Variants in KCNB2 observed in about 807,000 individuals in gnomAD.
KCNB2 encodes potassium voltage-gated channel subfamily B member 2.
A neutral mutation model predicts 61.5 loss-of-function variants in KCNB2; 15 were observed. The ratio of observed to expected loss-of-function variants is 0.24; its 90% confidence interval spans 0.16 to 0.38. The LOEUF (loss-of-function observed/expected upper bound fraction) is 0.38. KCNB2 is among the 10% of genes least tolerant of loss of function. The pLI is 1.00. For synonymous variants in KCNB2, 457 were observed against 446.0 expected (o/e 1.02, Z -0.31); for missense variants, 828 against 1,125.2 (o/e 0.74, Z 3.78).
intron 2 of KCNB2, among the ~76,000 whole-genome samples, chr8:72,734,040 G>T (rs935038063): frequency 3.3e-5 from 5 of 152,148 alleles, no homozygotes; most frequent in Non-Finnish European, 7.3e-5. Context: ...AGCTGATTTG[G>T]AAGATTGCTT....
chr8:72,744,032 C>A (rs1808014559), intron 2 of KCNB2, among the ~76,000 whole-genome samples: 1 of 151,748 alleles, frequency 6.6e-6, no homozygotes, highest in Non-Finnish European at 1.5e-5. Flanking sequence ...TTTATGCTTC[C>A]AGAGAGACAA....
chr8:72,676,331 C>G (rs1423407792), intron 2 of KCNB2, among the ~76,000 whole-genome samples: 2 of 152,034 alleles, frequency 1.3e-5, no homozygotes, highest in Non-Finnish European at 2.9e-5. Context: ...TGTTGTACCT[C>G]TGTTCTGGGT....
chr8:72,754,270 A>G (rs1293946485), intron 2 of KCNB2, among the ~76,000 whole-genome samples: 2 of 152,214 alleles, frequency 1.3e-5, no homozygotes, highest in African/African-American at 4.8e-5. Flanking sequence ...AGGCAGCCCA[A>G]AGCCTGGAAG....
At chr8:72,725,348 A>G (rs1215079933) in intron 2 of KCNB2, among the ~76,000 whole-genome samples, 1 of 151,710 alleles carries the variant, frequency 6.6e-6, no homozygotes, top group Non-Finnish European at 1.5e-5. Context: ...TAAAAGAACA[A>G]GAAGAGTTGT....
At chr8:72,705,239 T>C (rs1807202142) in intron 2 of KCNB2, among the ~76,000 whole-genome samples, 1 of 152,236 alleles carries the variant, frequency 6.6e-6, no homozygotes, top group South Asian at 2.1e-4. Context: ...GTGATTTGGC[T>C]GAAGATTTGT....
At chr8:72,683,062 G>A (rs183488949) in intron 2 of KCNB2, among the ~76,000 whole-genome samples, 1 of 152,318 alleles carries the variant, frequency 6.6e-6, no homozygotes, top group East Asian at 1.9e-4. Context: ...AGAATCACAG[G>A]CTCTGGTTTG....
Position 72,938,204 on chromosome 8 carries a change from A to C in KCNB2, c.*113A>C, listed in dbSNP as rs1397052240. ...AAAAATGGGAAGCCCTCCCCAAAAA[A>C]AGTGCATAAAATGTTATTTTTGCAT... On this transcript the variant is annotated 3_prime_UTR_variant, in exon 3 of 3. Transcript: ENST00000523207. 1.3e-6 allele frequency: 1 copy of C among 785,770 alleles called. No individual in the cohort carries two copies. The highest frequency in any genetic ancestry group is 1.8e-5 in the African/African-American group (1 of 56,776). 48.7% of individuals were successfully genotyped at this position (785,770 alleles called of 1,614,324 possible).
chr8:72,683,030 G>A (rs1440318683), intron 2 of KCNB2, among the ~76,000 whole-genome samples: 1 of 152,188 alleles, frequency 6.6e-6, no homozygotes, highest in Admixed American at 6.5e-5. Flanking sequence ...TATATAATAT[G>A]TTAAGTGGAG....
intron 1 of KCNB2, among the ~76,000 whole-genome samples, chr8:72,543,402 T>C (rs1806217724): frequency 6.6e-6 from 1 of 152,196 alleles, no homozygotes; most frequent in African/African-American, 2.4e-5. Flanking sequence ...TTGGATAAGA[T>C]GATAATATTC....
intron 2 of KCNB2, among the ~76,000 whole-genome samples, chr8:72,918,584 C>T (rs1806445272): frequency 6.6e-6 from 1 of 152,058 alleles, no homozygotes; most frequent in African/African-American, 2.4e-5. Context: ...CCTAAAATTC[C>T]CCTTTTTGAG....
intron 2 of KCNB2, among the ~76,000 whole-genome samples, chr8:72,769,644 G>A (rs2255952): frequency 0.41 from 62,306 of 151,878 alleles, 13,908 homozygotes; most frequent in African/African-American, 0.6. Flanking sequence ...GGTGTAAAGT[G>A]TTTGGAGAAG....
At chr8:72,712,927 C>G (rs2128991967) in intron 2 of KCNB2, among the ~76,000 whole-genome samples, 1 of 152,340 alleles carries the variant, frequency 6.6e-6, no homozygotes, top group Non-Finnish European at 1.5e-5. Context: ...AAAGGGGTGA[C>G]AGACGGCACC....
rs1274639919 is a variant in KCNB2, at chr8:72,818,196, G to GA, written c.580-117732dup. Among the ~76,000 whole-genome samples, 8 of 151,994 alleles carry GA rather than the reference G, an allele frequency of 5.3e-5. No individual in the cohort carries two copies. In the East Asian group the frequency reaches 1.2e-3, roughly 22 times the overall value. ...CAACAACAACAACAAAATCTTTAAAGAAAAAAATTATGGCCTATCACCCTA... is the reference window on the plus strand; with the variant it reads ...CAACAACAACAACAAAATCTTTAAAGAAAAAAAATTATGGCCTATCACCCTA... On this transcript the variant is annotated intron_variant, in intron 2 of 2. Coordinates refer to ENST00000523207, the MANE Select transcript of KCNB2 (RefSeq NM_004770.3).
chr8:72,715,478 A>G (rs1273214318), intron 2 of KCNB2, among the ~76,000 whole-genome samples: 1 of 152,246 alleles, frequency 6.6e-6, no homozygotes, highest in Non-Finnish European at 1.5e-5. Context: ...ACCACAGTGC[A>G]ATCAAACTAG....
At chr8:72,798,156 A>G (rs1380594802) in intron 2 of KCNB2, among the ~76,000 whole-genome samples, 1 of 151,930 alleles carries the variant, frequency 6.6e-6, no homozygotes, top group Non-Finnish European at 1.5e-5. Context: ...CTGCATTTTT[A>G]TGACTTTTAA....
chr8:72,897,747 C>T (rs896891250), intron 2 of KCNB2, among the ~76,000 whole-genome samples: 1 of 152,126 alleles, frequency 6.6e-6, no homozygotes, highest in African/African-American at 2.4e-5. Flanking sequence ...AGCACTATTG[C>T]TTGGGGAGGA....
At chr8:72,897,607 G>A (rs761381245) in intron 2 of KCNB2, among the ~76,000 whole-genome samples, 16 of 152,056 alleles carry the variant, frequency 1.1e-4, no homozygotes, top group Non-Finnish European at 1.9e-4. Context: ...GAACGATACA[G>A]CCATGCAAAA....
intron 2 of KCNB2, among the ~76,000 whole-genome samples, chr8:72,608,616 T>C (rs756711129): frequency 1.1e-4 from 17 of 151,968 alleles, no homozygotes; most frequent in Non-Finnish European, 1.9e-4. Context: ...GGGAAGGAGC[T>C]AGCCTCGGGG....
intron 2 of KCNB2, among the ~76,000 whole-genome samples, chr8:72,902,434 G>T (rs1258655192): frequency 6.6e-6 from 1 of 152,096 alleles, no homozygotes; most frequent in Non-Finnish European, 1.5e-5. Context: ...CAGGGTCCTG[G>T]TGGGGAAATG....
Sources: allele counts gnomAD v4.1 joint callset (sites outside exome capture counted in the v4.1 genomes callset), GRCh38; gene constraint gnomAD v4.1.1; transcripts MANE v1.5; gene names NCBI Gene and HGNC (gene_info 2026-07-23, HGNC 2026-07-21).